The following AKAP13 variants were observed in gnomAD, a reference collection of about 807,000 sequenced individuals.
AKAP13 encodes the protein A-kinase anchor protein 13.
AKAP13 carries 80 observed loss-of-function variants against 264.5 expected under a neutral mutation model. The observed-to-expected ratio is 0.30, with a 90% CI of 0.25 to 0.36. The LOEUF is 0.36. Ranked by LOEUF, AKAP13 falls within the 10% of genes least tolerant of loss-of-function variation. The probability of loss-of-function intolerance (pLI) is 1.00; values close to 1 mark genes in which losing one functional copy is unlikely to be tolerated. For synonymous variants in AKAP13, 1,380 were observed against 1,250.2 expected (o/e 1.10, Z -2.19); for missense variants, 3,712 against 3,435.2 (o/e 1.08, Z -2.01).
Position 85,456,265 on chromosome 15 carries a change from A to G in AKAP13, c.-11-29445A>G, listed in dbSNP as rs115277072. ...TGTTTAATTGTTTAGTCACTTGGAT[A>G]TATACACTGAACATTTTTAGTTAAA... is the stretch of plus-strand genomic sequence containing the variant. On this transcript the variant is annotated intron_variant, in intron 1 of 36. Transcript: ENST00000394518. 7.3e-4 allele frequency among the ~76,000 whole-genome samples: 111 copies of G among 152,272 alleles called. 1 individual carries two copies. The highest frequency in any genetic ancestry group is 2.6e-3 in the African/African-American group (109 of 41,540).
At chr15:85,716,627 C>A (rs2086965237) in intron 20 of AKAP13, among the ~76,000 whole-genome samples, 1 of 152,190 alleles carries the variant, frequency 6.6e-6, no homozygotes, top group African/African-American at 2.4e-5. Context: ...GCAAAAGTCT[C>A]CTTTTGTTTG....
At chr15:85,556,708 C>T (rs919390092) in intron 5 of AKAP13, among the ~76,000 whole-genome samples, 2 of 152,210 alleles carry the variant, frequency 1.3e-5, no homozygotes, top group Admixed American at 6.5e-5. Context: ...CCCTGGCCAG[C>T]TCATTGCCAC....
intron 5 of AKAP13, among the ~76,000 whole-genome samples, chr15:85,555,890 G>T (rs2151246492): frequency 6.6e-6 from 1 of 152,280 alleles, no homozygotes; most frequent in South Asian, 2.1e-4. Context: ...CTTCTAATTT[G>T]TGTTATTTTG....
intron 4 of AKAP13, among the ~76,000 whole-genome samples, chr15:85,538,747 C>T (rs1401522715): frequency 1.3e-5 from 2 of 150,932 alleles, no homozygotes; most frequent in African/African-American, 4.9e-5. Flanking sequence ...CCTCGGCCTC[C>T]CAAAGTGCTG....
chr15:85,551,818 G>A (rs1479102087), intron 5 of AKAP13, among the ~76,000 whole-genome samples: 2 of 152,172 alleles, frequency 1.3e-5, no homozygotes, highest in East Asian at 1.9e-4. Flanking sequence ...TTGATAGTCA[G>A]GTGTGAGAAA....
chr15:85,508,394 C>T lies in AKAP13; in HGVS notation c.34-13034C>T, dbSNP rs534259791. Among the ~76,000 whole-genome samples, 6 of 152,150 alleles carry T rather than the reference C, an allele frequency of 3.9e-5. No homozygotes were observed. In the South Asian group the frequency reaches 6.2e-4, roughly 16 times the overall value. On this transcript the variant is annotated intron_variant, in intron 2 of 36. Coordinates refer to ENST00000394518, the MANE Select transcript of AKAP13 (RefSeq NM_007200.5). ...CTGGGTTCAAGCAATCCACCTGCCT[C>T]GGCCTCCCAAAGTGCTGGGATTACA... is the stretch of plus-strand genomic sequence containing the variant.
chr15:85,683,646 T>G (rs2084733152), intron 15 of AKAP13: 1 of 152,114 alleles, frequency 6.6e-6, no homozygotes, highest in African/African-American at 2.4e-5. Flanking sequence ...ATTTTTGTAT[T>G]TTTTAGTAGA....
intron 8 of AKAP13, among the ~76,000 whole-genome samples, chr15:85,594,717 G>C (rs2079733292): frequency 6.6e-6 from 1 of 152,322 alleles, no homozygotes; most frequent in South Asian, 2.1e-4. Context: ...AATTAAAAGA[G>C]AGATGTCATT....
chr15:85,645,966 ACCTT>A lies in AKAP13; in HGVS notation c.4374+17_4374+20del. ...TCATCTTCCCAAAGGTACTGTGTGG[ACCTT>A]CCTTTCATTTTTGTCACACGGCTTT... On this transcript the variant is annotated intron_variant, in intron 10 of 36. Coordinates refer to ENST00000394518, the MANE Select transcript of AKAP13 (RefSeq NM_007200.5). 1 of 1,598,822 alleles carries A rather than the reference ACCTT, an allele frequency of 6.3e-7. No individual in the cohort carries two copies. Among genetic ancestry groups the A allele is most frequent in the Non-Finnish European group, 8.5e-7 (1 of 1,175,996 alleles).
intron 3 of AKAP13, among the ~76,000 whole-genome samples, chr15:85,528,948 C>G (rs766109549): frequency 6.6e-6 from 1 of 152,018 alleles, no homozygotes; most frequent in African/African-American, 2.4e-5. Flanking sequence ...TTTTATTTTC[C>G]TTTCTTGTTA....
chr15:85,413,706 G>A (rs114999712), intron 1 of AKAP13, among the ~76,000 whole-genome samples: 25 of 152,246 alleles, frequency 1.6e-4, no homozygotes, highest in African/African-American at 6.0e-4. Flanking sequence ...AGATCGCAGT[G>A]TGTTCTCAGG....
chr15:85,657,621 G>A (rs2083159419), intron 11 of AKAP13, among the ~76,000 whole-genome samples: 1 of 151,770 alleles, frequency 6.6e-6, no homozygotes, highest in South Asian at 2.1e-4. Context: ...AAAATAAGCA[G>A]CATGCTTTTT....
intron 14 of AKAP13, among the ~76,000 whole-genome samples, chr15:85,676,510 G>A (rs2084237269): frequency 6.6e-6 from 1 of 152,188 alleles, no homozygotes; most frequent in African/African-American, 2.4e-5. Flanking sequence ...TCCACCCACA[G>A]GTGAGCAGGG....
At chr15:85,744,557 G>T in intron 36 of AKAP13, 71 bp from the exon 37 acceptor site, 1 of 1,527,780 alleles carries the variant, frequency 6.5e-7, no homozygotes. Flanking sequence ...AAGACTTTGG[G>T]ATGGGGAGGA....
At chr15:85,549,915 A>G (rs1014585504) in intron 5 of AKAP13, among the ~76,000 whole-genome samples, 3 of 151,934 alleles carry the variant, frequency 2.0e-5, no homozygotes, top group Admixed American at 2.0e-4. Flanking sequence ...AAGTATTGTC[A>G]TCTCTGATTG....
intron 16 of AKAP13, among the ~76,000 whole-genome samples, chr15:85,689,134 A>T (rs1233182842): frequency 6.6e-6 from 1 of 152,240 alleles, no homozygotes; most frequent in Non-Finnish European, 1.5e-5. Context: ...TTTGATTTGA[A>T]GTAGGTATTT....
At position 85,485,738 on chromosome 15, in the gene AKAP13, G is replaced by T; in HGVS notation, c.18G>T (p.Gln6His). Residue 6 changes from glutamine (Q) to histidine (H), a missense_variant, in exon 2 of 37, where the codon CAG (glutamine) becomes CAT (histidine). Gln to His is a conservative substitution (Grantham distance 24). Around this residue, in one of 3 missense-constraint regions of AKAP13, gnomAD observed 2,759 missense variants for 2,411.7 expected, o/e 1.14. Transcript: ENST00000394518. MKLNP[Q>H]QAPLYGDCVV... is the part of the protein sequence containing the mutation. Reference sequence around the variant, plus strand: ...CCTGGGTCATGAAACTTAATCCACAGCAAGCTCCCTTATATGTGAGTAAAT... The same window carrying T: ...CCTGGGTCATGAAACTTAATCCACATCAAGCTCCCTTATATGTGAGTAAAT... The T allele has an allele frequency of 1.2e-6, 2 of 1,613,130 alleles. No individual in the cohort carries two copies. Among genetic ancestry groups the T allele is most frequent in the Non-Finnish European group, 1.7e-6 (2 of 1,179,350 alleles).
intron 1 of AKAP13, chr15:85,415,566 G>T: frequency 1.4e-6 from 2 of 1,435,868 alleles, no homozygotes; most frequent in East Asian, 2.3e-5. Context: ...ATTGAAAGAT[G>T]GGAAATTAGT....
intron 8 of AKAP13, among the ~76,000 whole-genome samples, chr15:85,604,919 T>C (rs540535233): frequency 6.6e-6 from 1 of 152,328 alleles, no homozygotes; most frequent in East Asian, 1.9e-4. Flanking sequence ...TGAATACCAC[T>C]GATGTTTACT....
Sources: gnomAD v4.1 joint callset for allele counts (sites outside exome capture counted in the v4.1 genomes callset) on GRCh38, gnomAD v4.1.1 for gene constraint, gnomAD v4.1.1 regional missense constraint, MANE v1.5 for transcripts, NCBI Gene and HGNC (gene_info 2026-07-23, HGNC 2026-07-21) for gene names.